RYR1: variants seen among roughly 807,000 people sequenced by gnomAD.
The protein encoded by RYR1 is ryanodine receptor 1.
RYR1 carries 342 observed loss-of-function variants against 583.5 expected under a neutral mutation model. The ratio of observed to expected loss-of-function variants is 0.59; its 90% CI spans 0.54 to 0.64. The LOEUF (loss-of-function observed/expected upper bound fraction) is 0.64. Ranked by LOEUF, RYR1 falls within the 30% of genes least tolerant of loss-of-function variation. RYR1 has a pLI of 0.00. For missense variants in RYR1, 6,032 were observed against 6,917.2 expected (o/e 0.87, Z 4.54); for synonymous variants, 2,791 against 2,822.5 (o/e 0.99, Z 0.35).
At chr19:38,468,901 C>T (rs970260402) in intron 25 of RYR1, 65 bp from the exon 26 acceptor site, 4 of 1,549,310 alleles carry the variant, frequency 2.6e-6, no homozygotes, top group African/African-American at 2.7e-5. Flanking sequence ...TCCCTCCCTG[C>T]TTCCTTATCT....
At chr19:38,452,394 T>C (rs1301056134) in intron 12 of RYR1, among the ~76,000 whole-genome samples, 14 of 152,228 alleles carry the variant, frequency 9.2e-5, no homozygotes, top group Middle Eastern at 3.4e-3. Context: ...TGAGCCACTA[T>C]ACTCCAGCTT....
Position 38,496,543 on chromosome 19 carries a change from T to A in RYR1, c.6796+2T>A. The stretch of plus-strand genomic sequence containing the variant: ...TGGAGAACAGTGGCATCGGCCTGGG[T>A]GAGAACCCCCGAGCCCAGGGGCTGT... On this transcript the variant is annotated splice_donor_variant, in intron 41 of 105. Transcript: ENST00000359596. LOFTEE classifies it high-confidence loss of function. The surrounding 1 kb of genome is among the most constrained non-coding windows in gnomAD (Gnocchi z 4.8). The A allele has an allele frequency of 6.2e-7, 1 of 1,613,178 alleles. No individual in the cohort carries two copies. The highest frequency in any genetic ancestry group is 8.5e-7 in the Non-Finnish European group (1 of 1,180,010).
In RYR1 at chr19:38,500,652, T is replaced by C. The variant is rs1308175061; in HGVS notation, c.7370T>C (p.Leu2457Pro). The C allele has an allele frequency of 1.2e-6, 2 of 1,613,930 alleles. No individual in the cohort carries two copies. The change falls in exon 46 of 106, where the codon CTC becomes CCC. Residue 2457 changes from leucine (L) to proline (P), a missense_variant. Coordinates refer to ENST00000359596, the MANE Select transcript of RYR1 (RefSeq NM_000540.3). This position sits in a 1 kb window ranked among gnomAD's most constrained non-coding sequence, Gnocchi z 5.9. ...GAGGCCCTGCGGATCCGCGCCATCC[T>C]CCGCTCCCTTGTGCCCTTGGAGGAC... ...KGEALRIRAILRSLVPLEDLV... is the reference protein window; with the variant it reads ...KGEALRIRAIPRSLVPLEDLV...
intron 89 of RYR1, among the ~76,000 whole-genome samples, chr19:38,552,927 T>C (rs1475916300): frequency 6.6e-6 from 1 of 152,202 alleles, no homozygotes; most frequent in Non-Finnish European, 1.5e-5. Context: ...GGGTTTAATG[T>C]CACCTACCTG....
chr19:38,476,434 T>C (rs1230429697), intron 29 of RYR1, among the ~76,000 whole-genome samples: 1 of 152,090 alleles, frequency 6.6e-6, no homozygotes, highest in African/African-American at 2.4e-5. Context: ...CCTGACCTCG[T>C]GGTCTACCCG....
chr19:38,486,094 G>A lies in RYR1; in HGVS notation c.5439G>A (p.Arg1813=), dbSNP rs147424734. ...AGGCCCTGCGGGACAAGGCACTGAG[G>A]ATGCTGGGGGAGGCGGTGCGCGACG... ...PLEALRDKAL[R]MLGEAVRDGG... The change falls in exon 34 of 106, where the codon AGG becomes AGA. Residue 1813 remains arginine, a synonymous_variant. Transcript: ENST00000359596. The A allele has an allele frequency of 1.9e-4, 312 of 1,612,888 alleles. No individual in the cohort carries two copies. The highest frequency in any genetic ancestry group is 2.4e-4 in the Non-Finnish European group (287 of 1,179,602).
chr19:38,477,110 C>G (rs539484875), intron 29 of RYR1, among the ~76,000 whole-genome samples: 106 of 152,186 alleles, frequency 7.0e-4, no homozygotes, highest in African/African-American at 2.4e-3. Flanking sequence ...TTAGCACAGT[C>G]AGTGCTATTT....
chr19:38,469,255 C>T (rs1279807561), intron 26 of RYR1, 50 bp from the exon 27 acceptor site: 2 of 1,609,094 alleles, frequency 1.2e-6, no homozygotes, highest in African/African-American at 2.7e-5. Context: ...TCGGCTCCCT[C>T]TGCCCTGCCC....
At chr19:38,573,047 C>T in intron 95 of RYR1, 130 bp from the exon 96 acceptor site, 1 of 1,467,728 alleles carries the variant, frequency 6.8e-7, no homozygotes, top group Middle Eastern at 1.8e-4. Context: ...TCATTTCTAC[C>T]CTTATCACTG....
Position 38,512,571 on chromosome 19 carries a change from TTGAA to T in RYR1, c.9472+91_9472+94del. On this transcript the variant is annotated intron_variant, in intron 63 of 105. Coordinates refer to ENST00000359596, the MANE Select transcript of RYR1 (RefSeq NM_000540.3). This position sits in a 1 kb window ranked among gnomAD's most constrained non-coding sequence, Gnocchi z 5.1. Reference sequence around the variant, plus strand: ...GGTGCCTGTGAGAGTCCCTGGGTGTTTGAATGTGTGGATTTCTTGCTGTAAGCAA... The same window carrying T: ...GGTGCCTGTGAGAGTCCCTGGGTGTTTGTGTGGATTTCTTGCTGTAAGCAA... 1 of 1,264,274 alleles carries T rather than the reference TTGAA, an allele frequency of 7.9e-7. No individual in the cohort carries two copies. Among genetic ancestry groups the T allele is most frequent in the South Asian group, 1.2e-5 (1 of 83,592 alleles). The allele number at this position is 1,264,274 out of a possible 1,614,324, so 78.3% of individuals were successfully genotyped here. A position where few individuals can be genotyped will look rare whatever the true frequency, so the allele number is the denominator to read the frequency against.
rs1035456616 is a variant in RYR1, at chr19:38,477,883, G to A, written c.4454+13G>A. ...ACGTCCACAGCAGGTGCCGGGGCTG[G>A]GGGGAGGTGGGAGGTGCAGGGTGGG... On this transcript the variant is annotated intron_variant, in intron 30 of 105. Transcript: ENST00000359596. 8.7e-6 allele frequency: 14 copies of A among 1,607,612 alleles called. No individual in the cohort carries two copies. Among genetic ancestry groups the A allele is most frequent in the Non-Finnish European group, 1.2e-5 (14 of 1,176,014 alleles).
intron 67 of RYR1, among the ~76,000 whole-genome samples, chr19:38,522,823 C>T (rs774736672): frequency 3.3e-5 from 5 of 150,822 alleles, no homozygotes; most frequent in Non-Finnish European, 7.4e-5. Context: ...GGTGTCGGGC[C>T]CCTGTAGTCC....
chr19:38,447,939 T>C (rs1310013856), intron 9 of RYR1, among the ~76,000 whole-genome samples: 1 of 144,810 alleles, frequency 6.9e-6, no homozygotes, highest in Non-Finnish European at 1.5e-5. Flanking sequence ...GAGGGAGAGA[T>C]TGGGGGCCCT....
Position 38,565,053 on chromosome 19 carries a change from C to A in RYR1, c.12719C>A (p.Thr4240Asn). 1 of 1,572,984 alleles carries A rather than the reference C, an allele frequency of 6.4e-7. No individual in the cohort carries two copies. The highest frequency in any genetic ancestry group is 1.3e-5 in the African/African-American group (1 of 74,290). Residue 4240 changes from threonine (T) to asparagine (N), a missense_variant, in exon 91 of 106, where the codon ACC (threonine) becomes AAC (asparagine). This residue lies in a region of RYR1 where 753 missense variants were observed against 759.6 expected (regional missense o/e 0.99). Coordinates refer to ENST00000359596, the MANE Select transcript of RYR1 (RefSeq NM_000540.3). This position sits in a 1 kb window ranked among gnomAD's most constrained non-coding sequence, Gnocchi z 4.7. ...MELFVSFCED[T>N]IFEMQIAAQI... is the part of the protein sequence containing the mutation. ...CTCTTCGTGAGTTTCTGCGAGGACA[C>A]CATCTTCGAGATGCAGATCGCCGCG...
At chr19:38,535,623 C>CA (rs1443390214) in intron 81 of RYR1, 13 of 609,822 alleles carry the variant, frequency 2.1e-5, no homozygotes, top group Non-Finnish European at 3.8e-5. Context: ...ACAGTGGAAC[C>CA]AAAAACTTGA....
intron 74 of RYR1, 86 bp from the exon 75 acceptor site, chr19:38,528,513 A>C: frequency 6.3e-7 from 1 of 1,589,938 alleles, no homozygotes; most frequent in Non-Finnish European, 8.6e-7. Flanking sequence ...TGGGGCCTTG[A>C]GGGTGGTTGG....
At chr19:38,518,618 G>C (rs1273969581) in intron 66 of RYR1, among the ~76,000 whole-genome samples, 1 of 151,652 alleles carries the variant, frequency 6.6e-6, no homozygotes, top group East Asian at 1.9e-4. Context: ...TTGGGGTCAG[G>C]GGTCATGCTA....
In RYR1 at chr19:38,563,067, G is replaced by A. The variant is rs374190725; in HGVS notation, c.12624+1613G>A. Among the ~76,000 whole-genome samples the A allele has an allele frequency of 2.6e-3, 392 of 152,232 alleles. 6 individuals are homozygous for A. In the South Asian group the frequency reaches 0.031, roughly 12 times the overall value. ...TCCCACTCATTCTTTGCACGTGCTG[G>A]GGGAGCTCTGCCCTCCTCTCTTCCT... is the stretch of plus-strand genomic sequence containing the variant. On this transcript the variant is annotated intron_variant, in intron 90 of 105. Coordinates refer to ENST00000359596, the MANE Select transcript of RYR1 (RefSeq NM_000540.3).
intron 70 of RYR1, 77 bp downstream of exon 70, chr19:38,524,006 T>TCGAGAAAACC (rs1298446558): frequency 6.7e-7 from 1 of 1,495,760 alleles, no homozygotes; most frequent in Non-Finnish European, 9.1e-7. Flanking sequence ...CGCCCCCGCC[T>TCGAGAAAACC]CGAGAAAACC....
Sources: allele counts gnomAD v4.1 joint callset (sites outside exome capture counted in the v4.1 genomes callset), GRCh38; gene constraint gnomAD v4.1.1; regional missense constraint gnomAD v4.1.1; non-coding constraint Gnocchi (gnomAD v3.1); transcripts MANE v1.5; gene names NCBI Gene and HGNC (gene_info 2026-07-23, HGNC 2026-07-21).